Variants in EEF1G observed in about 807,000 individuals in gnomAD.
EEF1G encodes elongation factor 1-gamma.
In EEF1G, 14 loss-of-function variants were observed where a neutral mutation model predicts 58.3. The observed-to-expected ratio is 0.24, with a 90% CI of 0.16 to 0.38. EEF1G has a LOEUF of 0.38. EEF1G is among the 10% of genes least tolerant of loss of function. The pLI is 1.00. For missense variants in EEF1G, 322 were observed against 550.1 expected (o/e 0.59, Z 4.15); for synonymous variants, 180 against 206.8 (o/e 0.87, Z 1.11).
chr11:62,571,947 C>T (rs913900272), intron 2 of EEF1G, 46 bp from the exon 3 acceptor site: 2 of 1,533,462 alleles, frequency 1.3e-6, no homozygotes, highest in Non-Finnish European at 8.8e-7. Flanking sequence ...CACAAAATTT[C>T]TTCCTAACCA....
intron 7 of EEF1G, 76 bp downstream of exon 7, chr11:62,566,730 G>A (rs990764855): frequency 6.6e-6 from 9 of 1,362,414 alleles, no homozygotes; most frequent in Non-Finnish European, 9.2e-6. Flanking sequence ...GGCTCTAGCT[G>A]TGTGTGAGGG....
intron 7 of EEF1G, among the ~76,000 whole-genome samples, chr11:62,563,545 C>G (rs1388466009): frequency 6.6e-6 from 1 of 152,140 alleles, no homozygotes; most frequent in South Asian, 2.1e-4. Context: ...ATAGCAAGAC[C>G]CTACCTCAAA....
chr11:62,561,563 G>A (rs140126111), intron 7 of EEF1G, among the ~76,000 whole-genome samples: 118 of 149,572 alleles, frequency 7.9e-4, no homozygotes, highest in Non-Finnish European at 1.3e-3. Flanking sequence ...CCAGCTACTC[G>A]GGAGGCAGGG....
At chr11:62,567,358 C>T in intron 6 of EEF1G, 41 bp downstream of exon 6, 4 of 1,578,706 alleles carry the variant, frequency 2.5e-6, no homozygotes, top group Non-Finnish European at 3.4e-6. Flanking sequence ...CAAACCAGAC[C>T]CTGATCCTGG....
At chr11:62,571,991 T>C (rs572935643) in intron 2 of EEF1G, 90 bp from the exon 3 acceptor site, 15 of 1,093,516 alleles carry the variant, frequency 1.4e-5, no homozygotes, top group South Asian at 1.1e-4. Flanking sequence ...AAAATACTTA[T>C]ATAAGGCTGA....
intron 5 of EEF1G, among the ~76,000 whole-genome samples, chr11:62,570,326 T>A (rs746980416): frequency 7.9e-5 from 12 of 151,946 alleles, no homozygotes; most frequent in Admixed American, 1.3e-4. Context: ...CCTCCCAAAG[T>A]GCTGGGATTA....
rs1941648701 is a variant in EEF1G at position 62,572,639 on chromosome 11, T to C, written c.116A>G (p.His39Arg). 6.2e-7 allele frequency: 1 copy of C among 1,612,352 alleles called. No homozygotes were observed. Among genetic ancestry groups the C allele is most frequent in the Non-Finnish European group, 8.5e-7 (1 of 1,179,844 alleles). Residue 39 changes from histidine to arginine, a missense_variant, in exon 2 of 10, where the codon CAT (histidine) becomes CGT (arginine). Physicochemically the swap from His to Arg is conservative, Grantham distance 29. Coordinates refer to ENST00000329251, the MANE Select transcript of EEF1G (RefSeq NM_001404.5). ...VRVLSAPPHFHFGQTNRTPEF... is the reference protein window; with the variant it reads ...VRVLSAPPHFRFGQTNRTPEF... ...AGGGGTGCGGTTGGTTTGGCCAAAA[T>C]GGAAGTGGGGTGGTGCGGAGAGCAC... is the stretch of plus-strand genomic sequence containing the variant.
At chr11:62,561,852 G>C (rs543960779) in intron 7 of EEF1G, among the ~76,000 whole-genome samples, 4 of 152,104 alleles carry the variant, frequency 2.6e-5, no homozygotes, top group Non-Finnish European at 4.4e-5. Context: ...AGCTGGGAAA[G>C]CCGGACAAAC....
intron 7 of EEF1G, among the ~76,000 whole-genome samples, chr11:62,561,855 G>T (rs890531478): frequency 6.6e-6 from 1 of 152,032 alleles, no homozygotes; most frequent in Non-Finnish European, 1.5e-5. Context: ...TGGGAAAGCC[G>T]GACAAACTCC....
chr11:62,570,878 G>C, intron 5 of EEF1G, 87 bp downstream of exon 5: 1 of 1,570,112 alleles, frequency 6.4e-7, no homozygotes, highest in Admixed American at 1.7e-5. Context: ...CAAGTCCTCA[G>C]CAGAATACAG....
At chr11:62,561,308 G>T (rs1384904561) in intron 7 of EEF1G, among the ~76,000 whole-genome samples, 1 of 151,916 alleles carries the variant, frequency 6.6e-6, no homozygotes, top group African/African-American at 2.4e-5. Flanking sequence ...GAACCCGAGA[G>T]GCAGAGGTTG....
rs367609507 is a variant in EEF1G, at chr11:62,571,591, T to C, written c.327A>G (p.Pro109=). Residue 109 remains proline, a synonymous_variant, in exon 4 of 10, where the codon CCA becomes CCG. Transcript: ENST00000329251. The part of the protein sequence containing the change: ...VSFADSDIVP[P]ASTWVFPTLG... Reference sequence around the variant, plus strand: ...AGGTGGGGAACACCCAGGTACTGGCTGGGGGCACTATATCGGAATCAGCAA... The same window carrying C: ...AGGTGGGGAACACCCAGGTACTGGCCGGGGGCACTATATCGGAATCAGCAA... 3.0e-5 allele frequency: 48 copies of C among 1,593,048 alleles called. No individual in the cohort carries two copies. In the African/African-American group the frequency reaches 5.1e-4, roughly 17 times the overall value.
chr11:62,571,735 C>A, intron 3 of EEF1G, 53 bp from the exon 4 acceptor site: 1 of 1,569,560 alleles, frequency 6.4e-7, no homozygotes, highest in South Asian at 1.2e-5. Flanking sequence ...CAACACCAGT[C>A]CAGGTCCTGG....
At chr11:62,570,868 C>A in intron 5 of EEF1G, 97 bp downstream of exon 5, 1 of 1,542,922 alleles carries the variant, frequency 6.5e-7, no homozygotes, top group South Asian at 1.1e-5. Flanking sequence ...AGCTGTTTTC[C>A]AAGTCCTCAG....
chr11:62,571,493 C>G lies in EEF1G; in HGVS notation c.378+47G>C, dbSNP rs574700843. 4 of 1,557,590 alleles carry G rather than the reference C, an allele frequency of 2.6e-6. No homozygotes were observed. In the African/African-American group the frequency reaches 4.1e-5, roughly 16 times the overall value. On this transcript the variant is annotated intron_variant, in intron 4 of 9. Coordinates refer to ENST00000329251, the MANE Select transcript of EEF1G (RefSeq NM_001404.5). ...ATTTCTTACTCCCAACACCCAGGAG[C>G]TGATGCCACCCCTGCCCCTGGCTTC...
intron 7 of EEF1G, among the ~76,000 whole-genome samples, chr11:62,562,098 G>A (rs1346502302): frequency 6.6e-6 from 1 of 152,204 alleles, no homozygotes; most frequent in Non-Finnish European, 1.5e-5. Flanking sequence ...AGGATTTAGA[G>A]CCCTGCACCT....
Position 62,560,084 on chromosome 11 carries a change from C to T in EEF1G, c.1140G>A (p.Gln380=). ...CCTTCCTCACCGGAAAGGCAAGCTC[C>T]TGGCCTCGGAAGACCCAGACTCCAG... ...SISGVWVFRG[Q]ELAFPLSPDW... is the part of the protein sequence containing the mutation. Residue 380 remains glutamine (Q), a synonymous_variant, in exon 9 of 10, where the codon CAG becomes CAA. Coordinates refer to ENST00000329251, the MANE Select transcript of EEF1G (RefSeq NM_001404.5). The T allele has an allele frequency of 6.2e-7, 1 of 1,614,046 alleles. No individual in the cohort carries two copies. Among genetic ancestry groups the T allele is most frequent in the Non-Finnish European group, 8.5e-7 (1 of 1,179,900 alleles).
At chr11:62,567,307 A>G in intron 6 of EEF1G, 92 bp downstream of exon 6, 1 of 1,482,538 alleles carries the variant, frequency 6.7e-7, no homozygotes, top group Non-Finnish European at 9.0e-7. Flanking sequence ...AGGTCCCCAT[A>G]ACCCAAAAGC....
At chr11:62,571,437 T>A in intron 4 of EEF1G, 103 bp downstream of exon 4, 1 of 1,456,322 alleles carries the variant, frequency 6.9e-7, no homozygotes, top group Non-Finnish European at 9.1e-7. Flanking sequence ...ATTGCCTACA[T>A]ATCCTTGGCA....
Sources: gnomAD v4.1 joint callset for allele counts (sites outside exome capture counted in the v4.1 genomes callset) on GRCh38, gnomAD v4.1.1 for gene constraint, MANE v1.5 for transcripts, NCBI Gene and HGNC (gene_info 2026-07-23, HGNC 2026-07-21) for gene names.